Variants in PLCZ1 observed in about 807,000 individuals in gnomAD.
PLCZ1 encodes 1-phosphatidylinositol 4,5-bisphosphate phosphodiesterase zeta-1.
In PLCZ1, 64 loss-of-function variants were observed where a neutral mutation model predicts 76.8. That is an observed-to-expected ratio of 0.83 (90% confidence interval 0.68 to 1.03). The LOEUF (loss-of-function observed/expected upper bound fraction) is 1.03. Ranked by LOEUF, PLCZ1 falls within the 50% of genes least tolerant of loss-of-function variation. PLCZ1 has a pLI of 0.00. For synonymous variants in PLCZ1, 248 were observed against 230.8 expected, an observed-to-expected ratio of 1.07 and a Z score of -0.68; for missense variants, 751 against 713.7, an observed-to-expected ratio of 1.05 and a Z score of -0.60.
At chr12:18,660,687 G>A in the PLCZ1 span, among the ~76,000 whole-genome samples, 2 of 151,934 alleles carry the variant, frequency 1.3e-5, no homozygotes, top group Admixed American at 1.3e-4. Flanking sequence ...GCAAATTCTG[G>A]GAAAGGAGAA....
chr12:18,720,238 G>T (rs1958359331), intron 4 of PLCZ1, among the ~76,000 whole-genome samples: 2 of 151,938 alleles, frequency 1.3e-5, no homozygotes, highest in South Asian at 4.2e-4. Flanking sequence ...GTATGACTAT[G>T]CCACAATTTA....
intron 6 of PLCZ1, among the ~76,000 whole-genome samples, chr12:18,711,529 T>TATAATAACA (rs1555189033): frequency 1.4e-5 from 2 of 142,460 alleles, no homozygotes; most frequent in African/African-American, 5.3e-5. Flanking sequence ...AAACTTAAAG[T>TATAATAACA]ATAATAATAA....
Position 18,712,915 on chromosome 12 carries a change from T to C in PLCZ1, c.641A>G (p.Tyr214Cys). ...TTTGCTTGTGAGTGTGTAGCCATGA[T>C]ATACAACAGGTTCATTTTGTGCTCC... ...WDGAQNEPVV[Y>C]HGYTLTSKLL... Residue 214 changes from tyrosine (Y) to cysteine (C), a missense_variant, in exon 6 of 15, where the codon TAT becomes TGT. Physicochemically the swap from Tyr to Cys is radical, Grantham distance 194 (BLOSUM62 -2). Transcript: ENST00000266505. 6.2e-7 allele frequency: 1 copy of C among 1,613,958 alleles called. No homozygotes were observed. The highest frequency in any genetic ancestry group is 8.5e-7 in the Non-Finnish European group (1 of 1,179,882).
At chr12:18,649,382 C>T in the PLCZ1 span, among the ~76,000 whole-genome samples, 1 of 152,124 alleles carries the variant, frequency 6.6e-6, no homozygotes, top group Non-Finnish European at 1.5e-5. Flanking sequence ...GATCCCATCT[C>T]CTCTGACCTA....
At chr12:18,675,937 G>A in the PLCZ1 span, among the ~76,000 whole-genome samples, 1 of 151,704 alleles carries the variant, frequency 6.6e-6, no homozygotes, top group Non-Finnish European at 1.5e-5. Flanking sequence ...AAAATGACAA[G>A]CACATTAGAA....
At chr12:18,687,844 T>A (rs1329535788) in intron 13 of PLCZ1, among the ~76,000 whole-genome samples, 2 of 151,962 alleles carry the variant, frequency 1.3e-5, no homozygotes, top group East Asian at 3.9e-4. Context: ...AGAGGTAAAT[T>A]TTTTTTAAGC....
chr12:18,658,478 A>G, the PLCZ1 span, among the ~76,000 whole-genome samples: 1 of 152,160 alleles, frequency 6.6e-6, no homozygotes, highest in East Asian at 1.9e-4. Flanking sequence ...CCTCAATAAG[A>G]TTAATGGCTG....
At position 18,684,175 on chromosome 12, in the gene PLCZ1, C is replaced by A; in HGVS notation, c.1696G>T (p.Glu566Ter). The A allele has an allele frequency of 1.2e-6, 2 of 1,612,164 alleles. No homozygotes were observed. Among genetic ancestry groups the A allele is most frequent in the Non-Finnish European group, 1.7e-6 (2 of 1,178,900 alleles). The stretch of plus-strand genomic sequence containing the variant: ...GGCAAAGTATATTGCCCAAGAAATT[C>A]ATTTCCTGCTATTAAACCTTGACCT... ...VEGQGLIAGN[E>*]FLGQYTLPLL... Residue 566 changes from glutamate to a stop codon, truncating the protein, a stop_gained, in exon 14 of 15, where the codon GAA (glutamate) becomes TAA (stop). Transcript: ENST00000266505. LOFTEE classifies it high-confidence loss of function.
At chr12:18,726,718 T>C (rs1958772175) in intron 3 of PLCZ1, among the ~76,000 whole-genome samples, 1 of 152,198 alleles carries the variant, frequency 6.6e-6, no homozygotes, top group Admixed American at 6.5e-5. Flanking sequence ...AGAAAGCTGA[T>C]TTATCAAAAC....
chr12:18,656,209 A>C, the PLCZ1 span, among the ~76,000 whole-genome samples: 4 of 152,128 alleles, frequency 2.6e-5, no homozygotes, highest in Non-Finnish European at 1.5e-5. Flanking sequence ...CGGAAGCATC[A>C]TTTGAGCTCA....
At chr12:18,658,353 T>C in the PLCZ1 span, among the ~76,000 whole-genome samples, 1 of 152,132 alleles carries the variant, frequency 6.6e-6, no homozygotes, top group Non-Finnish European at 1.5e-5. Flanking sequence ...AAACTCTAAG[T>C]AGGATAAACA....
At chr12:18,651,038 A>G in the PLCZ1 span, among the ~76,000 whole-genome samples, 1 of 151,882 alleles carries the variant, frequency 6.6e-6, no homozygotes, top group Non-Finnish European at 1.5e-5. Context: ...TAAAAGCCCA[A>G]GCCTTTAAAA....
intron 3 of PLCZ1, among the ~76,000 whole-genome samples, chr12:18,724,521 C>T (rs956406317): frequency 1.1e-4 from 16 of 152,026 alleles, no homozygotes; most frequent in Non-Finnish European, 2.2e-4. Flanking sequence ...ATGCAAGAAG[C>T]ATGTGTTGAA....
chr12:18,704,075 G>C (rs1025575471), intron 7 of PLCZ1, among the ~76,000 whole-genome samples: 1 of 152,148 alleles, frequency 6.6e-6, no homozygotes, highest in Non-Finnish European at 1.5e-5. Context: ...AGAGGAGTGA[G>C]GGAAGGCTAA....
chr12:18,701,279 T>A (rs1401963446), intron 9 of PLCZ1, among the ~76,000 whole-genome samples: 1 of 152,012 alleles, frequency 6.6e-6, no homozygotes, highest in East Asian at 1.9e-4. Flanking sequence ...GCCACCGTGC[T>A]CAGCCTAGAG....
At chr12:18,679,765 G>A (rs1231788840), downstream of PLCZ1, among the ~76,000 whole-genome samples, 1 of 151,962 alleles carries the variant, frequency 6.6e-6, no homozygotes, top group African/African-American at 2.4e-5. Context: ...AAGTGTGAAA[G>A]TTAAATTATG....
chr12:18,665,605 C>T, the PLCZ1 span, among the ~76,000 whole-genome samples: 1 of 152,030 alleles, frequency 6.6e-6, no homozygotes, highest in Non-Finnish European at 1.5e-5. Context: ...CTAGCCTGAC[C>T]AACATAGTGA....
At chr12:18,688,860 G>A (rs1022595996) in intron 12 of PLCZ1, among the ~76,000 whole-genome samples, 2 of 151,994 alleles carry the variant, frequency 1.3e-5, no homozygotes, top group Non-Finnish European at 1.5e-5. Context: ...GAAGATATAA[G>A]CCTAAAAACG....
At chr12:18,669,872 C>T in the PLCZ1 span, among the ~76,000 whole-genome samples, 17 of 152,042 alleles carry the variant, frequency 1.1e-4, no homozygotes, top group African/African-American at 3.6e-4. Context: ...GGTTTCACCA[C>T]GTTGCTCAGG....
Sources: allele counts gnomAD v4.1 joint callset (sites outside exome capture counted in the v4.1 genomes callset), GRCh38; gene constraint gnomAD v4.1.1; transcripts MANE v1.5; gene names NCBI Gene and HGNC (gene_info 2026-07-23, HGNC 2026-07-21).